ADCK1: variants seen among roughly 807,000 people sequenced by gnomAD.
ADCK1 encodes the protein aarF domain containing kinase 1.
Under a neutral mutation model 52.3 loss-of-function variants are expected in ADCK1, and 41 were observed. The ratio of observed to expected loss-of-function variants is 0.78; its 90% CI spans 0.61 to 1.02. ADCK1 has a LOEUF of 1.02. Among genes scored for constraint, ADCK1 ranks in the 50% least tolerant of loss-of-function variants. The pLI is 0.00. For missense variants in ADCK1, 658 were observed against 679.5 expected, an observed-to-expected ratio of 0.97 and a Z score of 0.35; for synonymous variants, 250 against 274.6, an observed-to-expected ratio of 0.91 and a Z score of 0.89.
intron 3 of ADCK1, among the ~76,000 whole-genome samples, chr14:77,830,793 T>C (rs1468377261): frequency 1.3e-5 from 2 of 152,158 alleles, no homozygotes; most frequent in South Asian, 2.1e-4. Flanking sequence ...CTACTTTGAG[T>C]GTGAAGTTTT....
At chr14:77,808,219 A>G (rs1248411268) in intron 1 of ADCK1, among the ~76,000 whole-genome samples, 1 of 152,184 alleles carries the variant, frequency 6.6e-6, no homozygotes, top group Non-Finnish European at 1.5e-5. Flanking sequence ...GTGTTAAGCC[A>G]GGCAGATTTC....
chr14:77,812,761 T>C (rs2081361575), intron 1 of ADCK1, among the ~76,000 whole-genome samples: 1 of 150,858 alleles, frequency 6.6e-6, no homozygotes, highest in Non-Finnish European at 1.5e-5. Context: ...GGCTAGTTTT[T>C]GTATTTTTAG....
In ADCK1 at chr14:77,933,557, G is replaced by T; in HGVS notation, c.*166G>T. 1.3e-6 allele frequency: 1 copy of T among 782,412 alleles called. No homozygotes were observed. Among genetic ancestry groups the T allele is most frequent in the South Asian group, 1.9e-5 (1 of 51,530 alleles). 48.5% of individuals were successfully genotyped at this position (782,412 alleles called of 1,614,324 possible). On this transcript the variant is annotated 3_prime_UTR_variant, in exon 11 of 11. Coordinates refer to ENST00000238561, the MANE Select transcript of ADCK1 (RefSeq NM_020421.4). ...TTTGGAATCCTCTCCGCACACTGTGGCCCTTGTCTCAGGGCCCACAAGCTG... is the reference window on the plus strand; with the variant it reads ...TTTGGAATCCTCTCCGCACACTGTGTCCCTTGTCTCAGGGCCCACAAGCTG...
chr14:77,859,377 C>T lies in ADCK1; in HGVS notation c.423+98C>T, dbSNP rs771515697. The T allele has an allele frequency of 1.7e-5, 22 of 1,267,892 alleles. 1 individual carries two copies. The highest frequency in any genetic ancestry group is 2.1e-5 in the Non-Finnish European group (20 of 932,340). 78.5% of individuals were successfully genotyped at this position (1,267,892 alleles called of 1,614,324 possible). A position where few individuals can be genotyped will look rare whatever the true frequency, so the allele number is the denominator to read the frequency against. Reference sequence around the variant, plus strand: ...CCTCGACCAGGGTGCTGGGGATCCACCAGTGACACAAAACCAAATGTCACA... The same window carrying T: ...CCTCGACCAGGGTGCTGGGGATCCATCAGTGACACAAAACCAAATGTCACA... On this transcript the variant is annotated intron_variant, in intron 4 of 10. Transcript: ENST00000238561.
At chr14:77,876,776 C>G (rs777309124) in intron 4 of ADCK1, among the ~76,000 whole-genome samples, 4 of 152,212 alleles carry the variant, frequency 2.6e-5, no homozygotes, top group African/African-American at 4.8e-5. Context: ...CTGCCACCCC[C>G]CGACCTCCCA....
intron 3 of ADCK1, among the ~76,000 whole-genome samples, chr14:77,830,674 G>T (rs569824775): frequency 7.1e-6 from 1 of 141,776 alleles, no homozygotes; most frequent in African/African-American, 2.5e-5. Flanking sequence ...GTGGGTAGAA[G>T]TGTGTGAACC....
chr14:77,854,511 G>A (rs1238939697), intron 3 of ADCK1, among the ~76,000 whole-genome samples: 2 of 151,102 alleles, frequency 1.3e-5, no homozygotes, highest in Non-Finnish European at 2.9e-5. Context: ...CTCCTCCCAG[G>A]GTCAACTAAT....
chr14:77,845,983 TG>T (rs1332253382), intron 3 of ADCK1, among the ~76,000 whole-genome samples: 1 of 152,204 alleles, frequency 6.6e-6, no homozygotes, highest in Non-Finnish European at 1.5e-5. Flanking sequence ...CCTGTGGCTC[TG>T]GGGCAGCTTT....
intron 9 of ADCK1, among the ~76,000 whole-genome samples, chr14:77,927,261 C>T (rs1325403643): frequency 6.6e-6 from 1 of 152,236 alleles, no homozygotes; most frequent in Admixed American, 6.5e-5. Context: ...CCTTCTCCAG[C>T]AAGCTTGGTG....
intron 7 of ADCK1, among the ~76,000 whole-genome samples, chr14:77,921,052 C>T (rs113213022): frequency 3.4e-4 from 51 of 151,506 alleles, no homozygotes; most frequent in African/African-American, 1.2e-3. Flanking sequence ...ATAGGCCAGG[C>T]GCGGTGGCTC....
intron 5 of ADCK1, among the ~76,000 whole-genome samples, chr14:77,898,037 T>C (rs1025346173): frequency 1.8e-4 from 27 of 152,166 alleles, no homozygotes; most frequent in African/African-American, 6.0e-4. Flanking sequence ...GCAGGAGGAC[T>C]GCTTGAGGAC....
At position 77,859,392 on chromosome 14, in the gene ADCK1, C is replaced by T. The variant is rs2082495646; in HGVS notation, c.423+113C>T. On this transcript the variant is annotated intron_variant, in intron 4 of 10. Transcript: ENST00000238561. Reference sequence around the variant, plus strand: ...TGGGGATCCACCAGTGACACAAAACCAAATGTCACAGCCACTCTCAGTGCT... The same window carrying T: ...TGGGGATCCACCAGTGACACAAAACTAAATGTCACAGCCACTCTCAGTGCT... 4 of 1,054,444 alleles carry T rather than the reference C, an allele frequency of 3.8e-6. No homozygotes were observed. The Admixed American group carries it at 1.1e-4, about 28-fold the overall frequency. 65.3% of individuals were successfully genotyped at this position (1,054,444 alleles called of 1,614,324 possible). A position where few individuals can be genotyped will look rare whatever the true frequency, so the allele number is the denominator to read the frequency against.
At chr14:77,881,458 C>T (rs1022680123) in intron 4 of ADCK1, among the ~76,000 whole-genome samples, 2 of 152,196 alleles carry the variant, frequency 1.3e-5, no homozygotes, top group African/African-American at 4.8e-5. Flanking sequence ...TCATTAATTC[C>T]AGCTCACACT....
intron 6 of ADCK1, among the ~76,000 whole-genome samples, chr14:77,899,555 C>G (rs1253851895): frequency 1.3e-5 from 2 of 152,204 alleles, no homozygotes; most frequent in African/African-American, 4.8e-5. Context: ...TGGTCTCTGC[C>G]TCTGTGAGGC....
intron 4 of ADCK1, among the ~76,000 whole-genome samples, chr14:77,865,601 G>C (rs1440906088): frequency 6.6e-6 from 1 of 152,214 alleles, no homozygotes; most frequent in Non-Finnish European, 1.5e-5. Context: ...GATTCCCTAT[G>C]TGGCCCTCAG....
intron 7 of ADCK1, among the ~76,000 whole-genome samples, chr14:77,910,516 T>C (rs1289493087): frequency 6.6e-6 from 1 of 152,020 alleles, no homozygotes; most frequent in Non-Finnish European, 1.5e-5. Flanking sequence ...GGAAACAGGG[T>C]CTGTCGCCTG....
intron 3 of ADCK1, among the ~76,000 whole-genome samples, chr14:77,825,898 G>T (rs762699790): frequency 6.6e-6 from 1 of 152,146 alleles, no homozygotes; most frequent in Non-Finnish European, 1.5e-5. Context: ...ATGGGCCTTG[G>T]CATCCACTGG....
intron 4 of ADCK1, among the ~76,000 whole-genome samples, chr14:77,863,230 A>G (rs1046647727): frequency 6.6e-6 from 1 of 152,126 alleles, no homozygotes; most frequent in African/African-American, 2.4e-5. Flanking sequence ...AGAGACTGAG[A>G]TATACGGAGT....
intron 7 of ADCK1, among the ~76,000 whole-genome samples, chr14:77,909,760 A>G (rs975660350): frequency 6.6e-6 from 1 of 152,050 alleles, no homozygotes; most frequent in African/African-American, 2.4e-5. Flanking sequence ...ATTTCCTTAT[A>G]TTATCTTTGG....
Sources: gnomAD v4.1 joint callset for allele counts (sites outside exome capture counted in the v4.1 genomes callset) on GRCh38, gnomAD v4.1.1 for gene constraint, MANE v1.5 for transcripts, NCBI Gene and HGNC (gene_info 2026-07-23, HGNC 2026-07-21) for gene names.